The following LAMB4 variants were observed in gnomAD, a reference collection of about 807,000 sequenced individuals.
LAMB4 encodes the protein laminin subunit beta-4.
LAMB4 carries 196 observed loss-of-function variants against 199.2 expected under a neutral mutation model. That is an observed-to-expected ratio of 0.98 (90% CI 0.88 to 1.11). The LOEUF is 1.11. Ranked by LOEUF, LAMB4 falls within the 50% of genes least tolerant of loss-of-function variation. LAMB4 has a pLI of 0.00. For synonymous variants in LAMB4, 744 were observed against 770.6 expected (o/e 0.97, Z 0.57); for missense variants, 2,080 against 2,171.2 (o/e 0.96, Z 0.83).
At chr7:108,060,510 C>A (rs150259825) in intron 23 of LAMB4, among the ~76,000 whole-genome samples, 1 of 152,160 alleles carries the variant, frequency 6.6e-6, no homozygotes, top group Non-Finnish European at 1.5e-5. Context: ...GGAATCAGTG[C>A]TCCCTAGATA....
Position 108,111,918 on chromosome 7 carries a change from G to A in LAMB4, c.221C>T (p.Ser74Phe). 1 of 1,609,038 alleles carries A rather than the reference G, an allele frequency of 6.2e-7. No individual in the cohort carries two copies. The highest frequency in any genetic ancestry group is 8.5e-7 in the Non-Finnish European group (1 of 1,178,066). Residue 74 changes from serine (S) to phenylalanine (F), a missense_variant, in exon 4 of 34, where the codon TCT becomes TTT. Physicochemically the swap from Ser to Phe is radical, Grantham distance 155. Transcript: ENST00000388781. ...EGEQKCFICD[S>F]RFPYDPYDQP... ...GTCATACGGATCATATGGAAATCTA[G>A]AGTCACAGATGAAGCATTTTTGTTC... is the stretch of plus-strand genomic sequence containing the variant.
At chr7:108,068,781 C>T (rs2036432543) in intron 18 of LAMB4, among the ~76,000 whole-genome samples, 1 of 152,118 alleles carries the variant, frequency 6.6e-6, no homozygotes, top group African/African-American at 2.4e-5. Context: ...GCAACCTCCG[C>T]CTTCCCAGTT....
intron 24 of LAMB4, among the ~76,000 whole-genome samples, chr7:108,056,462 A>T (rs1304515243): frequency 6.6e-6 from 1 of 152,172 alleles, no homozygotes; most frequent in African/African-American, 2.4e-5. Context: ...CATAAGGAAA[A>T]CAATTTCATT....
rs141617547 is a variant in LAMB4, at chr7:108,128,205, C to G, written c.-34+2101G>C. On this transcript the variant is annotated intron_variant, in intron 1 of 33. Coordinates refer to ENST00000388781, the MANE Select transcript of LAMB4 (RefSeq NM_007356.3). Reference sequence around the variant, plus strand: ...AAGCAGGAGCGGTTCTCCAGTGCAGCCTTACATACAGCCATGGGTCTGCCC... The same window carrying G: ...AAGCAGGAGCGGTTCTCCAGTGCAGGCTTACATACAGCCATGGGTCTGCCC... Among the ~76,000 whole-genome samples, 389 of 152,186 alleles carry G rather than the reference C, an allele frequency of 2.6e-3. 2 individuals are homozygous for G. The highest frequency in any genetic ancestry group is 4.3e-3 in the Admixed American group (65 of 15,284).
intron 31 of LAMB4, among the ~76,000 whole-genome samples, chr7:108,033,697 C>A (rs1254227448): frequency 1.3e-5 from 2 of 151,244 alleles, no homozygotes; most frequent in Non-Finnish European, 1.5e-5. Flanking sequence ...GTGTGAGCAA[C>A]CATGCCTGGC....
At chr7:108,031,292 C>T (rs1007072476) in intron 31 of LAMB4, among the ~76,000 whole-genome samples, 2 of 134,076 alleles carry the variant, frequency 1.5e-5, no homozygotes, top group Non-Finnish European at 3.0e-5. Context: ...CACTGCACTC[C>T]GGCCTGGGTG....
intron 25 of LAMB4, among the ~76,000 whole-genome samples, chr7:108,055,118 T>C (rs1040914805): frequency 6.6e-6 from 1 of 152,086 alleles, no homozygotes; most frequent in African/African-American, 2.4e-5. Context: ...TTACAATCAA[T>C]GGCATCTGGA....
Position 108,052,270 on chromosome 7 carries a change from T to C in LAMB4, c.3756-13A>G. 1 of 1,564,640 alleles carries C rather than the reference T, an allele frequency of 6.4e-7. No individual in the cohort carries two copies. The highest frequency in any genetic ancestry group is 8.7e-7 in the Non-Finnish European group (1 of 1,152,056). On this transcript the variant is annotated splice_polypyrimidine_tract_variant and intron_variant, in intron 25 of 33. Coordinates refer to ENST00000388781, the MANE Select transcript of LAMB4 (RefSeq NM_007356.3). ...CATGATTTGTCTTCTATAGAGGAAA[T>C]AAGGGTAAATGTAGTTAAGCTTGTA...
intron 28 of LAMB4, among the ~76,000 whole-genome samples, chr7:108,044,481 G>A (rs1280595512): frequency 1.3e-5 from 2 of 152,188 alleles, no homozygotes; most frequent in Non-Finnish European, 2.9e-5. Context: ...AACTAGAAGT[G>A]CAAATTCTTA....
intron 29 of LAMB4, among the ~76,000 whole-genome samples, chr7:108,042,939 G>C (rs796175505): frequency 2.8e-4 from 32 of 113,228 alleles, no homozygotes; most frequent in Admixed American, 5.2e-4. Flanking sequence ...CTCAATCTCT[G>C]TGTGTGTGTG....
chr7:108,066,774 A>G (rs2036359490), intron 19 of LAMB4, among the ~76,000 whole-genome samples, 174 bp from the exon 20 acceptor site: 1 of 152,092 alleles, frequency 6.6e-6, no homozygotes, highest in African/African-American at 2.4e-5. Flanking sequence ...ATAACAATTC[A>G]CTGAGTCACT....
At chr7:108,041,079 G>A (rs185640675) in intron 29 of LAMB4, among the ~76,000 whole-genome samples, 1 of 152,040 alleles carries the variant, frequency 6.6e-6, no homozygotes, top group Non-Finnish European at 1.5e-5. Flanking sequence ...TTAAAAAGTG[G>A]GCAAAGGACA....
intron 29 of LAMB4, among the ~76,000 whole-genome samples, chr7:108,041,405 A>G (rs1450544296): frequency 1.3e-5 from 2 of 152,238 alleles, no homozygotes; most frequent in East Asian, 1.9e-4. Flanking sequence ...GTATATACCC[A>G]AAGGGTTAGA....
intron 18 of LAMB4, 47 bp from the exon 19 acceptor site, chr7:108,068,206 G>A (rs1584675636): frequency 6.2e-7 from 1 of 1,602,208 alleles, no homozygotes; most frequent in Non-Finnish European, 8.5e-7. Flanking sequence ...AAGAGGCAGA[G>A]AAGCACCTCA....
At chr7:108,021,634 G>A (rs562113840), downstream of LAMB4, among the ~76,000 whole-genome samples, 15 of 150,790 alleles carry the variant, frequency 9.9e-5, no homozygotes, top group East Asian at 2.0e-4. Context: ...GCATGAAGCC[G>A]GGAGGCTGAG....
intron 14 of LAMB4, among the ~76,000 whole-genome samples, chr7:108,089,797 G>A (rs2037328466): frequency 6.6e-6 from 1 of 152,104 alleles, no homozygotes; most frequent in African/African-American, 2.4e-5. Context: ...TGAGTAGCTG[G>A]GATTGAAGGC....
At position 108,062,864 on chromosome 7, in the gene LAMB4, A is replaced by C. The variant is rs1016840939; in HGVS notation, c.3192T>G (p.Cys1064Trp). The part of the protein sequence containing the change: ...PNVTGLACDR[C>W]ADGYWNLVPG... ...GGACCAGATTCCAGTATCCATCAGC[A>C]CAACGGTCACAGGCCAGGCCTGTGA... The change falls in exon 23 of 34, where the codon TGT becomes TGG. Residue 1064 changes from cysteine to tryptophan, a missense_variant. By Grantham distance (215) the Cys-to-Trp change is radical. Transcript: ENST00000388781. The C allele has an allele frequency of 1.9e-6, 3 of 1,592,046 alleles. No homozygotes were observed. The African/African-American group carries it at 4.1e-5, about 22-fold the overall frequency.
intron 14 of LAMB4, among the ~76,000 whole-genome samples, chr7:108,085,265 G>T (rs1013619171): frequency 1.3e-5 from 2 of 152,182 alleles, no homozygotes; most frequent in African/African-American, 4.8e-5. Context: ...GTTCTGTTAA[G>T]AATGAAATAC....
At chr7:108,063,610 A>C in intron 22 of LAMB4, 151 bp downstream of exon 22, 1 of 706,576 alleles carries the variant, frequency 1.4e-6, no homozygotes, top group Admixed American at 2.1e-5. Flanking sequence ...ATTTCTGTTG[A>C]TGAGTTCCGT....
Sources: gnomAD v4.1 joint callset for allele counts (sites outside exome capture counted in the v4.1 genomes callset) on GRCh38, gnomAD v4.1.1 for gene constraint, MANE v1.5 for transcripts, NCBI Gene and HGNC (gene_info 2026-07-23, HGNC 2026-07-21) for gene names.